OXLD1: variants seen among roughly 807,000 people sequenced by gnomAD.
OXLD1 encodes oxidoreductase-like domain-containing protein 1.
Under a neutral mutation model 3.1 loss-of-function variants are expected in OXLD1, and 4 were observed. The observed-to-expected ratio is 1.28, with a 90% confidence interval of 0.63 to 2.92. OXLD1 has a LOEUF of 2.92. Among genes scored for constraint, OXLD1 ranks in the 30% most tolerant of loss-of-function variants. OXLD1 has a pLI of 0.01. For missense variants in OXLD1, 240 were observed against 204.6 expected, an observed-to-expected ratio of 1.17 and a Z score of -1.05; for synonymous variants, 100 against 87.0, an observed-to-expected ratio of 1.15 and a Z score of -0.83.
Position 81,665,324 on chromosome 17 carries a change from C to T in OXLD1, c.321G>A (p.Leu107=), listed in dbSNP as rs1365609924. The T allele has an allele frequency of 6.2e-7, 1 of 1,613,398 alleles. No homozygotes were observed. The highest frequency in any genetic ancestry group is 8.5e-7 in the Non-Finnish European group (1 of 1,180,040). ...CCCCACCGTCCTGGAAGTGCTGCAGCAGCCTGTCCGCGTACTCCACCCACA... is the reference window on the plus strand; with the variant it reads ...CCCCACCGTCCTGGAAGTGCTGCAGTAGCCTGTCCGCGTACTCCACCCACA... ...NCVWVEYADR[L]LQHFQDGGER... The change falls in exon 2 of 2, where the codon CTG becomes CTA. Residue 107 remains leucine (L), a synonymous_variant. Coordinates refer to ENST00000374741, the MANE Select transcript of OXLD1 (RefSeq NM_001039842.3).
Position 81,666,454 on chromosome 17 carries a change from GC to G in OXLD1, c.60+63del, listed in dbSNP as rs2036622679. 3.3e-6 allele frequency: 5 copies of G among 1,505,718 alleles called. No individual in the cohort carries two copies. The East Asian group carries it at 1.0e-4, about 31-fold the overall frequency. The allele number at this position is 1,505,718 out of a possible 1,614,324, so 93.3% of individuals were successfully genotyped here. On this transcript the variant is annotated intron_variant, in intron 1 of 1. Coordinates refer to ENST00000374741, the MANE Select transcript of OXLD1 (RefSeq NM_001039842.3). Reference sequence around the variant, plus strand: ...CCGGGGCTCCTCCCGGTACGTGCGGGCCCCCGGACAGCGGCCTCTCGGACGT... The same window carrying G: ...CCGGGGCTCCTCCCGGTACGTGCGGGCCCCGGACAGCGGCCTCTCGGACGT...
In OXLD1 at chr17:81,666,569, C is replaced by A. The variant is rs373263277; in HGVS notation, c.9G>T (p.Leu3=). The A allele has an allele frequency of 2.0e-5, 30 of 1,481,120 alleles. No homozygotes were observed. The highest frequency in any genetic ancestry group is 2.5e-5 in the Non-Finnish European group (28 of 1,120,440). The allele number at this position is 1,481,120 out of a possible 1,614,324, so 91.7% of individuals were successfully genotyped here. ML[L]RRVVEGGRAV... ...CCCGGCCTCCCTCGACCACCCTCCG[C>A]AGCAGCATCGCCCGCGGACGGGATC... The change falls in exon 1 of 2, where the codon CTG becomes CTT. Residue 3 remains leucine (L), a synonymous_variant. Transcript: ENST00000374741.
In OXLD1 at chr17:81,665,085, T is replaced by C; in HGVS notation, c.*116A>G. On this transcript the variant is annotated 3_prime_UTR_variant, in exon 2 of 2. Transcript: ENST00000374741. Reference sequence around the variant, plus strand: ...TTATTTTTTTCTCAGGTGAAGTCAGTAACTAATTCTTCCTATTCCCGTTGG... The same window carrying C: ...TTATTTTTTTCTCAGGTGAAGTCAGCAACTAATTCTTCCTATTCCCGTTGG... The C allele has an allele frequency of 7.8e-7, 1 of 1,288,902 alleles. No homozygotes were observed. The highest frequency in any genetic ancestry group is 1.1e-6 in the Non-Finnish European group (1 of 948,060). 79.8% of individuals were successfully genotyped at this position (1,288,902 alleles called of 1,614,324 possible). A position where few individuals can be genotyped will look rare whatever the true frequency, so the allele number is the denominator to read the frequency against.
At chr17:81,666,360 G>T in intron 1 of OXLD1, 158 bp downstream of exon 1, 1 of 799,430 alleles carries the variant, frequency 1.3e-6, no homozygotes, top group Non-Finnish European at 1.9e-6. Context: ...GAGGAGAGGA[G>T]CGAGGGGTCC....
chr17:81,665,917 A>C (rs2036603051), intron 1 of OXLD1: 1 of 418,216 alleles, frequency 2.4e-6, no homozygotes. Flanking sequence ...CCAGTATGCG[A>C]GAGGTGTAAC....
chr17:81,665,253 A>T lies in OXLD1; in HGVS notation c.392T>A (p.Leu131His). ...ALEEHVADEN[L>H]KAFLRMEIRL... ...GATCTCCATCCTGAGGAAGGCCTTG[A>T]GGTTCTCATCAGCCACGTGCTCCTC... is the stretch of plus-strand genomic sequence containing the variant. Residue 131 changes from leucine (L) to histidine (H), a missense_variant, in exon 2 of 2, where the codon CTC becomes CAC. Leu to His is a moderately conservative substitution (Grantham distance 99). Coordinates refer to ENST00000374741, the MANE Select transcript of OXLD1 (RefSeq NM_001039842.3). 6.2e-7 allele frequency: 1 copy of T among 1,613,364 alleles called. No homozygotes were observed. The highest frequency in any genetic ancestry group is 8.5e-7 in the Non-Finnish European group (1 of 1,179,956).
chr17:81,665,185 G>A lies in OXLD1; in HGVS notation c.*16C>T. ...CCTGGACTCCGTCCTGCGGTAGGGA[G>A]TCCAGCAGGGATGGCTCAGCCTCCG... On this transcript the variant is annotated 3_prime_UTR_variant, in exon 2 of 2. Coordinates refer to ENST00000374741, the MANE Select transcript of OXLD1 (RefSeq NM_001039842.3). 1 of 1,596,308 alleles carries A rather than the reference G, an allele frequency of 6.3e-7. No individual in the cohort carries two copies. The highest frequency in any genetic ancestry group is 1.3e-5 in the African/African-American group (1 of 74,844).
rs200478661 is a variant in OXLD1, at chr17:81,665,633, G to A, written c.61-49C>T. 7.2e-6 allele frequency: 11 copies of A among 1,525,056 alleles called. No individual in the cohort carries two copies. The East Asian group carries it at 2.3e-4, about 31-fold the overall frequency. 94.5% of individuals were successfully genotyped at this position (1,525,056 alleles called of 1,614,324 possible). A position where few individuals can be genotyped will look rare whatever the true frequency, so the allele number is the denominator to read the frequency against. On this transcript the variant is annotated intron_variant, in intron 1 of 1. Coordinates refer to ENST00000374741, the MANE Select transcript of OXLD1 (RefSeq NM_001039842.3). ...ACTCTCCAGGAAGCTGGTGAGGCCC[G>A]GTCTACCCCCAGCAGTGAGGACATT...
In OXLD1 at chr17:81,666,487, C is replaced by T. The variant is rs748444397; in HGVS notation, c.60+31G>A. On this transcript the variant is annotated intron_variant, in intron 1 of 1. Transcript: ENST00000374741. Reference sequence around the variant, plus strand: ...ACAGCGGCCTCTCGGACGTGCCCTTCGGCGCTGCCAAGACCCGTCCTGGTA... The same window carrying T: ...ACAGCGGCCTCTCGGACGTGCCCTTTGGCGCTGCCAAGACCCGTCCTGGTA... The T allele has an allele frequency of 1.4e-5, 22 of 1,528,888 alleles. No homozygotes were observed. The South Asian group carries it at 2.7e-4, about 18-fold the overall frequency. The allele number at this position is 1,528,888 out of a possible 1,614,324, so 94.7% of individuals were successfully genotyped here. A position where few individuals can be genotyped will look rare whatever the true frequency, so the allele number is the denominator to read the frequency against.
At chr17:81,666,454 G>A in intron 1 of OXLD1, 64 bp downstream of exon 1, 1 of 1,505,728 alleles carries the variant, frequency 6.6e-7, no homozygotes, top group Non-Finnish European at 8.9e-7. Flanking sequence ...GTACGTGCGG[G>A]CCCCCGGACA....
At chr17:81,666,401 G>A (rs2036620728) in intron 1 of OXLD1, 117 bp downstream of exon 1, 1 of 1,278,872 alleles carries the variant, frequency 7.8e-7, no homozygotes, top group Admixed American at 2.4e-5. Flanking sequence ...GATCCTCCCG[G>A]CTCCGTCCCC....
In OXLD1 at chr17:81,665,269, C is replaced by T. The variant is rs769506847; in HGVS notation, c.376G>A (p.Val126Met). 4.3e-6 allele frequency: 7 copies of T among 1,613,590 alleles called. No homozygotes were observed. In the South Asian group the frequency reaches 5.5e-5, roughly 13 times the overall value. The change falls in exon 2 of 2, where the codon GTG becomes ATG. Residue 126 changes from valine (V) to methionine (M), a missense_variant. Coordinates refer to ENST00000374741, the MANE Select transcript of OXLD1 (RefSeq NM_001039842.3). ...AAGGCCTTGAGGTTCTCATCAGCCA[C>T]GTGCTCCTCCAGGGCAGCCAGGGCC... ...ERALAALEEH[V>M]ADENLKAFLR...
rs137928765 is a variant in OXLD1 at position 81,665,297 on chromosome 17, C to A, written c.348G>T (p.Glu116Asp). ...GCTCCTCCAGGGCAGCCAGGGCCCG[C>A]TCCCCACCGTCCTGGAAGTGCTGCA... is the stretch of plus-strand genomic sequence containing the variant. ...RLLQHFQDGG[E>D]RALAALEEHV... Residue 116 changes from glutamate to aspartate, a missense_variant, in exon 2 of 2, where the codon GAG becomes GAT. Coordinates refer to ENST00000374741, the MANE Select transcript of OXLD1 (RefSeq NM_001039842.3). The A allele has an allele frequency of 3.1e-6, 5 of 1,613,548 alleles. No individual in the cohort carries two copies. In the South Asian group the frequency reaches 4.4e-5, roughly 14 times the overall value.
chr17:81,665,065 T>G lies in OXLD1; in HGVS notation c.*136A>C. 3.3e-6 allele frequency: 4 copies of G among 1,217,108 alleles called. No individual in the cohort carries two copies. The highest frequency in any genetic ancestry group is 4.5e-6 in the Non-Finnish European group (4 of 893,138). The allele number at this position is 1,217,108 out of a possible 1,614,324, so 75.4% of individuals were successfully genotyped here. A position where few individuals can be genotyped will look rare whatever the true frequency, so the allele number is the denominator to read the frequency against. ...GTGAAACCACCATAGAGAATTTATT[T>G]TTTTCTCAGGTGAAGTCAGTAACTA... is the stretch of plus-strand genomic sequence containing the variant. On this transcript the variant is annotated 3_prime_UTR_variant, in exon 2 of 2. Transcript: ENST00000374741.
At position 81,666,513 on chromosome 17, in the gene OXLD1, C is replaced by A; in HGVS notation, c.60+5G>T. Reference sequence around the variant, plus strand: ...GGCGCTGCCAAGACCCGTCCTGGTACTTGCCGAGCCACGGACCGCGGCGGC... The same window carrying A: ...GGCGCTGCCAAGACCCGTCCTGGTAATTGCCGAGCCACGGACCGCGGCGGC... On this transcript the variant is annotated splice_donor_5th_base_variant and intron_variant, in intron 1 of 1. Coordinates refer to ENST00000374741, the MANE Select transcript of OXLD1 (RefSeq NM_001039842.3). 1 of 1,526,234 alleles carries A rather than the reference C, an allele frequency of 6.6e-7. No homozygotes were observed. Among genetic ancestry groups the A allele is most frequent in the Non-Finnish European group, 8.7e-7 (1 of 1,146,322 alleles). The allele number at this position is 1,526,234 out of a possible 1,614,324, so 94.5% of individuals were successfully genotyped here. A position where few individuals can be genotyped will look rare whatever the true frequency, so the allele number is the denominator to read the frequency against.
intron 1 of OXLD1, chr17:81,666,269 C>T: frequency 4.1e-6 from 2 of 489,000 alleles, no homozygotes; most frequent in Non-Finnish European, 3.6e-6. Flanking sequence ...AGGAAAGTGG[C>T]CGTTCACCGG....
At chr17:81,665,850 G>A in intron 1 of OXLD1, 2 of 501,884 alleles carry the variant, frequency 4.0e-6, no homozygotes, top group Non-Finnish European at 7.1e-6. Context: ...TCAAGCACAT[G>A]GTGGGGGGTG....
intron 1 of OXLD1, 56 bp downstream of exon 1, chr17:81,666,462 A>C: frequency 1.3e-6 from 2 of 1,515,716 alleles, no homozygotes; most frequent in Non-Finnish European, 1.8e-6. Flanking sequence ...GGGCCCCCGG[A>C]CAGCGGCCTC....
intron 1 of OXLD1, chr17:81,666,115 A>G: frequency 4.7e-6 from 2 of 421,544 alleles, no homozygotes; most frequent in Non-Finnish European, 8.4e-6. Context: ...GCCCTGCTCT[A>G]TCTACCCAGG....
Sources: allele counts gnomAD v4.1 joint callset, GRCh38; gene constraint gnomAD v4.1.1; transcripts MANE v1.5; gene names NCBI Gene and HGNC (gene_info 2026-07-23, HGNC 2026-07-21).